HEATR5B: variants seen among roughly 807,000 people sequenced by gnomAD.
The protein encoded by HEATR5B is HEAT repeat-containing protein 5B.
HEATR5B carries 156 observed loss-of-function variants against 224.1 expected under a neutral mutation model. The observed-to-expected ratio is 0.70, with a 90% CI of 0.61 to 0.80. HEATR5B has a LOEUF of 0.80. Ranked by LOEUF, HEATR5B falls within the 30% of genes least tolerant of loss-of-function variation. The pLI is 0.00. For missense variants in HEATR5B, 2,323 were observed against 2,535.5 expected (o/e 0.92, Z 1.80); for synonymous variants, 1,027 against 893.0 (o/e 1.15, Z -2.68).
Position 37,003,543 on chromosome 2 carries a change from T to A in HEATR5B, c.5049A>T (p.Leu1683=). Residue 1683 remains leucine, a splice_region_variant and synonymous_variant, in exon 31 of 36, where the codon CTA becomes CTT. Coordinates refer to ENST00000233099, the MANE Select transcript of HEATR5B (RefSeq NM_019024.3). ...QDYLQEKRNT[L]NEDDMEKEAC... is the part of the protein sequence containing the mutation. ...GTTAGTGTAATTTCTAGTGCTTACT[T>A]AGAGTGTTTCTTTTCTCTTGCAAAT... The A allele has an allele frequency of 3.1e-6, 5 of 1,598,082 alleles. No homozygotes were observed. Among genetic ancestry groups the A allele is most frequent in the Non-Finnish European group, 4.3e-6 (5 of 1,171,102 alleles).
In HEATR5B at chr2:36,988,852, G is replaced by T. The variant is rs1325974637; in HGVS notation, c.5705C>A (p.Ala1902Asp). The T allele has an allele frequency of 3.1e-6, 5 of 1,613,226 alleles. No homozygotes were observed. The highest frequency in any genetic ancestry group is 1.3e-5 in the African/African-American group (1 of 74,998). Residue 1902 changes from alanine to aspartate, a missense_variant, in exon 35 of 36, where the codon GCC becomes GAC. Physicochemically the swap from Ala to Asp is moderately radical, Grantham distance 126 (BLOSUM62 -2). Coordinates refer to ENST00000233099, the MANE Select transcript of HEATR5B (RefSeq NM_019024.3). ...TGAGAGGAGAAGCTGGTAACATTTG[G>T]CTTGAACCTATATAAGAAGAACATA... Reference protein sequence around the residue: ...ALNSCDPWVQAKCYQLLLSVF... With the variant: ...ALNSCDPWVQDKCYQLLLSVF...
Position 37,020,653 on chromosome 2 carries a change from A to G in HEATR5B, c.4035+2T>C, listed in dbSNP as rs1668405715. ...AGTTCTTAAATAAATAGAAAATCTC[A>G]CATTAGCCTGATACTGCTCCAGTAT... On this transcript the variant is annotated splice_donor_variant, in intron 25 of 35. Coordinates refer to ENST00000233099, the MANE Select transcript of HEATR5B (RefSeq NM_019024.3). LOFTEE classifies it high-confidence loss of function. 6.5e-7 allele frequency: 1 copy of G among 1,532,512 alleles called. No individual in the cohort carries two copies. 94.9% of individuals were successfully genotyped at this position (1,532,512 alleles called of 1,614,324 possible). A position where few individuals can be genotyped will look rare whatever the true frequency, so the allele number is the denominator to read the frequency against.
intron 2 of HEATR5B, among the ~76,000 whole-genome samples, chr2:37,080,244 C>G (rs1395037706): frequency 1.3e-5 from 2 of 152,188 alleles, no homozygotes; most frequent in Non-Finnish European, 2.9e-5. Context: ...CTCTGTATGT[C>G]ACTCTCAGTA....
chr2:37,012,876 T>G (rs915278171), intron 27 of HEATR5B, among the ~76,000 whole-genome samples: 2 of 152,240 alleles, frequency 1.3e-5, no homozygotes, highest in Non-Finnish European at 2.9e-5. Flanking sequence ...TCCAGCCTAT[T>G]GTAACTGCCT....
intron 21 of HEATR5B, among the ~76,000 whole-genome samples, chr2:37,033,065 G>C (rs1021462463): frequency 6.6e-6 from 1 of 151,866 alleles, no homozygotes; most frequent in Non-Finnish European, 1.5e-5. Context: ...ATTTTTAGTA[G>C]TGTCGGGTTT....
At chr2:37,014,080 G>A in intron 26 of HEATR5B, 60 bp from the exon 27 acceptor site, 2 of 961,202 alleles carry the variant, frequency 2.1e-6, no homozygotes, top group Non-Finnish European at 3.0e-6. Context: ...ATAAGAAAAT[G>A]GAATAAATGA....
In HEATR5B at chr2:37,062,048, C is replaced by A; in HGVS notation, c.1587G>T (p.Met529Ile). 1 of 1,575,856 alleles carries A rather than the reference C, an allele frequency of 6.3e-7. No individual in the cohort carries two copies. The highest frequency in any genetic ancestry group is 1.1e-5 in the South Asian group (1 of 90,094). ...AAAGATCTTCAGCAATACTAACTAC[C>A]ATCTGCAAGAAAAGTTTAGAATTGG... ...PLGIPHAKGK[M>I]VVSIAEDLLR... is the part of the protein sequence containing the mutation. The change falls in exon 11 of 36, where the codon ATG becomes ATT. Residue 529 changes from methionine to isoleucine, a missense_variant and splice_region_variant. Met to Ile is a conservative substitution (Grantham distance 10, BLOSUM62 1). Transcript: ENST00000233099.
At chr2:37,073,436 GTT>G (rs1478925309) in intron 5 of HEATR5B, among the ~76,000 whole-genome samples, 1 of 152,146 alleles carries the variant, frequency 6.6e-6, no homozygotes, top group Non-Finnish European at 1.5e-5. Flanking sequence ...TAGAGATGGG[GTT>G]TCGCTATGTT....
At chr2:37,025,534 AAAC>A (rs912645535) in intron 24 of HEATR5B, among the ~76,000 whole-genome samples, 44 of 152,150 alleles carry the variant, frequency 2.9e-4, no homozygotes, top group Admixed American at 2.7e-3. Flanking sequence ...TAAAAACAGA[AAAC>A]CTTAGAGAGT....
At chr2:37,054,515 G>A (rs755455277) in intron 16 of HEATR5B, among the ~76,000 whole-genome samples, 124 of 117,890 alleles carry the variant, frequency 1.1e-3, no homozygotes, top group Admixed American at 5.2e-3. Flanking sequence ...ACTGAGTTTC[G>A]CTCTTGTTGC....
chr2:36,983,789 TATAAA>T (rs1242030549), intron 35 of HEATR5B, among the ~76,000 whole-genome samples: 1 of 151,958 alleles, frequency 6.6e-6, no homozygotes, highest in African/African-American at 2.4e-5. Context: ...AGTAGAGAAT[TATAAA>T]ATATATATAA....
chr2:37,061,552 A>G (rs775164213), intron 11 of HEATR5B, among the ~76,000 whole-genome samples: 4 of 152,214 alleles, frequency 2.6e-5, no homozygotes, highest in Non-Finnish European at 5.9e-5. Flanking sequence ...GAAACACATT[A>G]AGGGTTACCC....
At chr2:37,053,789 T>C (rs576731004) in intron 16 of HEATR5B, among the ~76,000 whole-genome samples, 182 bp from the exon 17 acceptor site, 2 of 152,054 alleles carry the variant, frequency 1.3e-5, no homozygotes, top group Non-Finnish European at 2.9e-5. Context: ...TATATGGACA[T>C]GCGGTTATTA....
At chr2:36,985,456 T>G (rs1665881101) in intron 35 of HEATR5B, among the ~76,000 whole-genome samples, 3 of 137,032 alleles carry the variant, frequency 2.2e-5, no homozygotes, top group South Asian at 2.4e-4. Flanking sequence ...TGCTTTTTTT[T>G]GGTTTTTTTT....
At position 36,990,666 on chromosome 2, in the gene HEATR5B, T is replaced by A; in HGVS notation, c.5679A>T (p.Leu1893Phe). The A allele has an allele frequency of 6.3e-7, 1 of 1,594,200 alleles. No individual in the cohort carries two copies. The highest frequency in any genetic ancestry group is 8.5e-7 in the Non-Finnish European group (1 of 1,170,406). Residue 1893 changes from leucine to phenylalanine, a missense_variant, in exon 34 of 36, where the codon TTA (leucine) becomes TTT (phenylalanine). By Grantham distance (22) the Leu-to-Phe change is conservative. Transcript: ENST00000233099. ...AACTTACCCATGGGTCGCATGAATT[T>A]AATGCATTTTTAAATCTGTTCATGC... ...NGCMNRFKNA[L>F]NSCDPWVQAK...
chr2:37,000,709 C>A lies in HEATR5B; in HGVS notation c.5422G>T (p.Ala1808Ser), dbSNP rs1667034291. Residue 1808 changes from alanine (A) to serine (S), a missense_variant, in exon 33 of 36, where the codon GCT becomes TCT. By Grantham distance (99) the Ala-to-Ser change is moderately conservative. Coordinates refer to ENST00000233099, the MANE Select transcript of HEATR5B (RefSeq NM_019024.3). The stretch of plus-strand genomic sequence containing the variant: ...ACAATACTTTTAATCCCTTGAAGAG[C>A]TGCACTGACTGGTGGAGGAACCTGA... Reference protein sequence around the residue: ...DNQVPPPVSAALQGIKSIVTL... With the variant: ...DNQVPPPVSASLQGIKSIVTL... 2 of 1,614,004 alleles carry A rather than the reference C, an allele frequency of 1.2e-6. No homozygotes were observed. The highest frequency in any genetic ancestry group is 1.7e-5 in the Admixed American group (1 of 60,000).
chr2:37,064,587 G>C (rs964666458), intron 10 of HEATR5B, among the ~76,000 whole-genome samples, 153 bp downstream of exon 10: 1 of 151,702 alleles, frequency 6.6e-6, no homozygotes, highest in African/African-American at 2.4e-5. Context: ...AATTATAATA[G>C]GGTCTGTTAA....
At chr2:37,070,186 C>G (rs4327218) in intron 7 of HEATR5B, 44 bp downstream of exon 7, 393,233 of 1,597,972 alleles carry the variant, frequency 0.25, 51,042 homozygotes, top group Admixed American at 0.41. Flanking sequence ...AGGCGTGAGC[C>G]ACCGTGCCTG....
At chr2:37,063,103 G>A (rs187227999) in intron 10 of HEATR5B, among the ~76,000 whole-genome samples, 1 of 152,164 alleles carries the variant, frequency 6.6e-6, no homozygotes, top group Non-Finnish European at 1.5e-5. Context: ...CCCAGGCAAG[G>A]TTAGCTCAAT....
Sources: gnomAD v4.1 joint callset for allele counts (sites outside exome capture counted in the v4.1 genomes callset) on GRCh38, gnomAD v4.1.1 for gene constraint, MANE v1.5 for transcripts, NCBI Gene and HGNC (gene_info 2026-07-23, HGNC 2026-07-21) for gene names.